ACTR1A: variants seen among roughly 807,000 people sequenced by gnomAD.
ACTR1A encodes alpha-centractin.
Under a neutral mutation model 50.7 loss-of-function variants are expected in ACTR1A, and 10 were observed. The observed-to-expected ratio is 0.20, with a 90% CI of 0.12 to 0.33. ACTR1A has a LOEUF of 0.33. Among genes scored for constraint, ACTR1A ranks in the 10% least tolerant of loss-of-function variants. The pLI, the probability that ACTR1A is intolerant of heterozygous loss-of-function variation, is 1.00. For synonymous variants in ACTR1A, 177 were observed against 184.2 expected, an observed-to-expected ratio of 0.96 and a Z score of 0.32; for missense variants, 253 against 491.7, an observed-to-expected ratio of 0.51 and a Z score of 4.59.
rs1356933401 is a variant in ACTR1A, at chr10:102,488,579, A to G, written c.190-304T>C. On this transcript the variant is annotated intron_variant, in intron 3 of 10. Coordinates refer to ENST00000369905, the MANE Select transcript of ACTR1A (RefSeq NM_005736.4). The surrounding 1 kb of genome is among the most constrained non-coding windows in gnomAD (Gnocchi z 4.4). ...CTTCCTCATTGCCTGGTTCCAGGAC[A>G]CAATCTCCTGGCTCCCACCTCTGGG... is the stretch of plus-strand genomic sequence containing the variant. 6.6e-6 allele frequency among the ~76,000 whole-genome samples: 1 copy of G among 152,186 alleles called. No homozygotes were observed. The highest frequency in any genetic ancestry group is 6.5e-5 in the Admixed American group (1 of 15,278).
chr10:102,493,068 G>A (rs2062202607), intron 1 of ACTR1A, among the ~76,000 whole-genome samples: 1 of 151,122 alleles, frequency 6.6e-6, no homozygotes, highest in African/African-American at 2.4e-5. Context: ...AGGAGAGCAG[G>A]GCAGCCAGTT....
intron 4 of ACTR1A, among the ~76,000 whole-genome samples, chr10:102,486,220 G>T (rs562509923): frequency 6.6e-6 from 1 of 152,298 alleles, no homozygotes; most frequent in South Asian, 2.1e-4. Flanking sequence ...AACTGCGCAT[G>T]TGAGGGATCT....
rs944625916 is a variant in ACTR1A at position 102,479,667 on chromosome 10, G to T, written c.*1196C>A. 10 of 1,289,372 alleles carry T rather than the reference G, an allele frequency of 7.8e-6. No individual in the cohort carries two copies. The Admixed American group carries it at 2.3e-4, about 30-fold the overall frequency. 79.9% of individuals were successfully genotyped at this position (1,289,372 alleles called of 1,614,324 possible). A position where few individuals can be genotyped will look rare whatever the true frequency, so the allele number is the denominator to read the frequency against. On this transcript the variant is annotated 3_prime_UTR_variant, in exon 11 of 11. Transcript: ENST00000369905. The surrounding 1 kb of genome is among the most constrained non-coding windows in gnomAD (Gnocchi z 4.0). ...AAGAATGGCACAAGATCAGCCCAGAGGGGGCCTTCCCACCTCTACAACCTA... is the reference window on the plus strand; with the variant it reads ...AAGAATGGCACAAGATCAGCCCAGATGGGGCCTTCCCACCTCTACAACCTA...
At chr10:102,496,095 G>A (rs908381635) in intron 1 of ACTR1A, among the ~76,000 whole-genome samples, 2 of 152,126 alleles carry the variant, frequency 1.3e-5, no homozygotes, top group East Asian at 3.9e-4. Flanking sequence ...ACAGGTGCCC[G>A]CCACCACGCC....
At chr10:102,489,440 G>A (rs1423530380) in intron 2 of ACTR1A, among the ~76,000 whole-genome samples, 1 of 152,146 alleles carries the variant, frequency 6.6e-6, no homozygotes, top group Non-Finnish European at 1.5e-5. Context: ...CAAGAAAGAT[G>A]AGGAAATGAG....
At chr10:102,486,510 A>AG in intron 4 of ACTR1A, among the ~76,000 whole-genome samples, 1 of 151,974 alleles carries the variant, frequency 6.6e-6, no homozygotes, top group African/African-American at 2.4e-5. Context: ...ACCAACATGG[A>AG]GAAACCCCGT....
At position 102,482,663 on chromosome 10, in the gene ACTR1A, C is replaced by A; in HGVS notation, c.750+348G>T. Reference sequence around the variant, plus strand: ...CTCATGCTCAGGAGCTCTGCTGCTCCAGAGAGAGGGTGTAAGGCTGGGGTG... The same window carrying A: ...CTCATGCTCAGGAGCTCTGCTGCTCAAGAGAGAGGGTGTAAGGCTGGGGTG... On this transcript the variant is annotated intron_variant, in intron 7 of 10. Transcript: ENST00000369905. The surrounding 1 kb of genome is among the most constrained non-coding windows in gnomAD (Gnocchi z 5.6). The A allele has an allele frequency of 3.3e-6, 1 of 304,464 alleles. No individual in the cohort carries two copies. Among genetic ancestry groups the A allele is most frequent in the Non-Finnish European group, 6.2e-6 (1 of 161,606 alleles). The allele number at this position is 304,464 out of a possible 1,614,324, so 18.9% of individuals were successfully genotyped here. A position where few individuals can be genotyped will look rare whatever the true frequency, so the allele number is the denominator to read the frequency against.
At chr10:102,491,531 T>C (rs191227764) in intron 1 of ACTR1A, among the ~76,000 whole-genome samples, 79 of 152,324 alleles carry the variant, frequency 5.2e-4, no homozygotes, top group African/African-American at 1.8e-3. Context: ...CTCCTTGGTC[T>C]CCTGATGGTA....
chr10:102,493,001 C>CAACAAAAAAAAAAAAAAAAAAAA (rs2062201694), intron 1 of ACTR1A, among the ~76,000 whole-genome samples: 1 of 48,930 alleles, frequency 2.0e-5, no homozygotes, highest in Non-Finnish European at 3.4e-5. Flanking sequence ...GACTCCACCT[C>CAACAAAAAAAAAAAAAAAAAAAA]AAAAAAAAAA....
intron 1 of ACTR1A, among the ~76,000 whole-genome samples, chr10:102,499,538 T>A (rs535993777): frequency 6.6e-6 from 1 of 152,004 alleles, no homozygotes; most frequent in Non-Finnish European, 1.5e-5. Flanking sequence ...TTTCGAAACA[T>A]ACTACCAGGA....
intron 1 of ACTR1A, among the ~76,000 whole-genome samples, chr10:102,494,398 T>C (rs1281979672): frequency 6.6e-6 from 1 of 152,172 alleles, no homozygotes; most frequent in Non-Finnish European, 1.5e-5. Flanking sequence ...CTTGGGAGGC[T>C]GAGCTAGGAA....
intron 1 of ACTR1A, among the ~76,000 whole-genome samples, chr10:102,492,016 G>A (rs1328752433): frequency 6.4e-5 from 9 of 141,320 alleles, no homozygotes; most frequent in East Asian, 4.2e-4. Context: ...TGATCCGCCC[G>A]CCTTGGCCTC....
intron 4 of ACTR1A, 126 bp from the exon 5 acceptor site, chr10:102,485,859 A>G: frequency 1.5e-6 from 2 of 1,368,482 alleles, no homozygotes; most frequent in Non-Finnish European, 2.0e-6. Flanking sequence ...CACTCCAAAA[A>G]AAGGCAAGCT....
At chr10:102,500,808 C>T (rs533611257) in intron 1 of ACTR1A, among the ~76,000 whole-genome samples, 22 of 151,316 alleles carry the variant, frequency 1.5e-4, no homozygotes, top group African/African-American at 5.3e-4. Flanking sequence ...CACGGTGGCT[C>T]AGGCCTATAA....
intron 6 of ACTR1A, chr10:102,483,469 G>A (rs1414573669): frequency 1.0e-5 from 2 of 192,226 alleles, no homozygotes; most frequent in Admixed American, 1.2e-4. Flanking sequence ...ACAGGTGGCA[G>A]GAGGTTTCAG....
chr10:102,488,273 C>G lies in ACTR1A; in HGVS notation c.192G>C (p.Glu64Asp), dbSNP rs781012383. The G allele has an allele frequency of 6.2e-7, 1 of 1,613,340 alleles. No homozygotes were observed. Among genetic ancestry groups the G allele is most frequent in the Admixed American group, 1.7e-5 (1 of 59,998 alleles). Reference protein sequence around the residue: ...GDIFIGPKAEEHRGLLSIRYP... With the variant: ...GDIFIGPKAEDHRGLLSIRYP... ...AGCGGATTGAAAGCAGCCCTCGGTG[C>G]TCCTGGGAAAAGAGAACAGGACTTA... is the stretch of plus-strand genomic sequence containing the variant. The change falls in exon 4 of 11, where the codon GAG becomes GAC. Residue 64 changes from glutamate to aspartate, a missense_variant and splice_region_variant. By Grantham distance (45) the Glu-to-Asp change is conservative. Coordinates refer to ENST00000369905, the MANE Select transcript of ACTR1A (RefSeq NM_005736.4). This position sits in a 1 kb window ranked among gnomAD's most constrained non-coding sequence, Gnocchi z 4.4.
In ACTR1A at chr10:102,502,644, C is replaced by G. The variant is rs763092118; in HGVS notation, c.4G>C (p.Glu2Gln). Residue 2 changes from glutamate (E) to glutamine (Q), a missense_variant, in exon 1 of 11, where the codon GAG (glutamate) becomes CAG (glutamine). Coordinates refer to ENST00000369905, the MANE Select transcript of ACTR1A (RefSeq NM_005736.4). ...TGGTTGGCGATCACATCGTAGGACT[C>G]CATGGCAGAGGAATCTCTCCTTCTG... M[E>Q]SYDVIANQPV... The G allele has an allele frequency of 2.5e-6, 4 of 1,614,248 alleles. No homozygotes were observed. The Admixed American group carries it at 6.7e-5, about 27-fold the overall frequency.
Position 102,488,068 on chromosome 10 carries a change from C to A in ACTR1A, c.315+82G>T. On this transcript the variant is annotated intron_variant, in intron 4 of 10. Coordinates refer to ENST00000369905, the MANE Select transcript of ACTR1A (RefSeq NM_005736.4). The surrounding 1 kb of genome is among the most constrained non-coding windows in gnomAD (Gnocchi z 4.4). ...CTCCAGCACTCTTGGCAGTGATCAT[C>A]GTCCTCCTCATCATCTCTAGGGTAG... 1 of 1,511,162 alleles carries A rather than the reference C, an allele frequency of 6.6e-7. No homozygotes were observed. The highest frequency in any genetic ancestry group is 9.1e-7 in the Non-Finnish European group (1 of 1,101,894). 93.6% of individuals were successfully genotyped at this position (1,511,162 alleles called of 1,614,324 possible). A position where few individuals can be genotyped will look rare whatever the true frequency, so the allele number is the denominator to read the frequency against.
chr10:102,495,755 ATTTTTTTTT>A (rs79530206), intron 1 of ACTR1A, among the ~76,000 whole-genome samples: 5 of 99,574 alleles, frequency 5.0e-5, no homozygotes, highest in Non-Finnish European at 7.8e-5. Context: ...TAAATACACA[ATTTTTTTTT>A]TTTTTTTTTT....
Sources: gnomAD v4.1 joint callset for allele counts (sites outside exome capture counted in the v4.1 genomes callset) on GRCh38, gnomAD v4.1.1 for gene constraint, Gnocchi (gnomAD v3.1) non-coding constraint, MANE v1.5 for transcripts, NCBI Gene and HGNC (gene_info 2026-07-23, HGNC 2026-07-21) for gene names.